Variants in ATG7 observed in about 807,000 individuals in gnomAD.
ATG7 encodes the protein ubiquitin-like modifier-activating enzyme ATG7.
Under a neutral mutation model 82.4 loss-of-function variants are expected in ATG7, and 70 were observed. The observed-to-expected ratio is 0.85, with a 90% CI of 0.70 to 1.04. The LOEUF (loss-of-function observed/expected upper bound fraction) is 1.04. Ranked by LOEUF, ATG7 falls within the 50% of genes least tolerant of loss-of-function variation. The pLI is 0.00. For missense variants in ATG7, 792 were observed against 864.3 expected (o/e 0.92, Z 1.05); for synonymous variants, 287 against 313.0 (o/e 0.92, Z 0.88).
Position 11,555,999 on chromosome 3 carries a change from C to T in ATG7, c.*1156C>T, listed in dbSNP as rs1452747472. The T allele has an allele frequency of 6.5e-6, 1 of 152,764 alleles. No homozygotes were observed. The highest frequency in any genetic ancestry group is 1.5e-5 in the Non-Finnish European group (1 of 68,060). 9.5% of individuals were successfully genotyped at this position (152,764 alleles called of 1,614,324 possible). ...AGCTCATGGGAGCTTCATGGGGACA[C>T]AGCCGGCACAGGTGCAGGGCCCGAG... is the stretch of plus-strand genomic sequence containing the variant. On this transcript the variant is annotated 3_prime_UTR_variant, in exon 21 of 21. Coordinates refer to ENST00000693202, the MANE Select transcript of ATG7 (RefSeq NM_001349232.2).
intron 19 of ATG7, among the ~76,000 whole-genome samples, chr3:11,395,888 G>A (rs1400552070): frequency 8.4e-5 from 12 of 143,708 alleles, no homozygotes; most frequent in African/African-American, 7.8e-5. Flanking sequence ...CGCAGTGAGC[G>A]GAGGTCACAC....
chr3:11,537,180 T>C (rs1437612985), intron 20 of ATG7, among the ~76,000 whole-genome samples: 2 of 152,206 alleles, frequency 1.3e-5, no homozygotes. Flanking sequence ...CCTCCACTCC[T>C]GGACGGGCTG....
At chr3:11,554,134 A>T (rs1350001652) in intron 20 of ATG7, among the ~76,000 whole-genome samples, 4 of 152,176 alleles carry the variant, frequency 2.6e-5, no homozygotes, top group African/African-American at 9.7e-5. Context: ...TGGGTCCCTC[A>T]GTTCTCCTCA....
At chr3:11,306,350 G>A (rs1417446435) in intron 5 of ATG7, among the ~76,000 whole-genome samples, 1 of 152,214 alleles carries the variant, frequency 6.6e-6, no homozygotes, top group Admixed American at 6.5e-5. Context: ...TATGACTGTA[G>A]TTCTTGAAAA....
chr3:11,315,259 A>T, intron 8 of ATG7, 85 bp from the exon 9 acceptor site: 1 of 1,217,860 alleles, frequency 8.2e-7, no homozygotes, highest in Non-Finnish European at 1.1e-6. Flanking sequence ...TTCTGGTTTT[A>T]AGGTACCTTT....
At chr3:11,464,601 G>A (rs1394152317) in intron 20 of ATG7, among the ~76,000 whole-genome samples, 1 of 152,206 alleles carries the variant, frequency 6.6e-6, no homozygotes, top group Non-Finnish European at 1.5e-5. Flanking sequence ...ACCTGGGAAT[G>A]CCAGATGGAC....
At chr3:11,335,224 C>G (rs1325972507) in intron 11 of ATG7, among the ~76,000 whole-genome samples, 3 of 151,816 alleles carry the variant, frequency 2.0e-5, no homozygotes. Context: ...TAAAATAGCT[C>G]CTGTGTAATG....
At chr3:11,469,614 G>A (rs1449955147) in intron 20 of ATG7, among the ~76,000 whole-genome samples, 1 of 152,138 alleles carries the variant, frequency 6.6e-6, no homozygotes, top group Non-Finnish European at 1.5e-5. Context: ...GCATGTCCCA[G>A]CTCAGGAGTA....
At chr3:11,381,443 T>G (rs559171873) in intron 19 of ATG7, among the ~76,000 whole-genome samples, 14 of 152,354 alleles carry the variant, frequency 9.2e-5, no homozygotes, top group African/African-American at 3.1e-4. Context: ...TAAAGATAAT[T>G]GGGTTCTCTA....
In ATG7 at chr3:11,360,665, G is replaced by C; in HGVS notation, c.1564G>C (p.Asp522His). The change falls in exon 16 of 21, where the codon GAC becomes CAC. Residue 522 changes from aspartate (D) to histidine (H), a missense_variant. Asp to His is a moderately conservative substitution (Grantham distance 81, BLOSUM62 -1). Coordinates refer to ENST00000693202, the MANE Select transcript of ATG7 (RefSeq NM_001349232.2). ...GAAACCAAAGCAGCAAGGAGCTGGG[G>C]ACTTGTGTCCAAACCACCCTGTGGC... ...LKKPKQQGAG[D>H]LCPNHPVASA... 4 of 1,614,180 alleles carry C rather than the reference G, an allele frequency of 2.5e-6. No individual in the cohort carries two copies. The highest frequency in any genetic ancestry group is 3.4e-6 in the Non-Finnish European group (4 of 1,180,028).
At chr3:11,320,454 A>T (rs1298087343) in intron 9 of ATG7, among the ~76,000 whole-genome samples, 1 of 151,880 alleles carries the variant, frequency 6.6e-6, no homozygotes, top group African/African-American at 2.4e-5. Context: ...CACCTGGCTA[A>T]TTTTTTTATC....
At chr3:11,547,441 C>T (rs914935613) in intron 20 of ATG7, among the ~76,000 whole-genome samples, 4 of 151,958 alleles carry the variant, frequency 2.6e-5, no homozygotes, top group Non-Finnish European at 2.9e-5. Context: ...ATGAATTCCA[C>T]GTTTAACTTT....
At chr3:11,303,841 G>A (rs1463022648) in intron 5 of ATG7, among the ~76,000 whole-genome samples, 3 of 150,526 alleles carry the variant, frequency 2.0e-5, no homozygotes, top group Non-Finnish European at 2.9e-5. Context: ...TTGGGAGGCC[G>A]AGGCGGGTGG....
chr3:11,476,497 C>T (rs2088241025), intron 20 of ATG7, among the ~76,000 whole-genome samples: 1 of 151,072 alleles, frequency 6.6e-6, no homozygotes, highest in African/African-American at 2.4e-5. Flanking sequence ...CAATTAGAAC[C>T]TTGTATCAGA....
At chr3:11,382,827 T>C (rs1234306428) in intron 19 of ATG7, among the ~76,000 whole-genome samples, 1 of 152,194 alleles carries the variant, frequency 6.6e-6, no homozygotes. Context: ...AACAGAAACA[T>C]TGGAAGAATA....
intron 20 of ATG7, among the ~76,000 whole-genome samples, chr3:11,507,775 C>G (rs2091819104): frequency 1.3e-5 from 2 of 151,978 alleles, no homozygotes; most frequent in Admixed American, 6.6e-5. Context: ...AATTTTAAGT[C>G]CACACTCTAG....
chr3:11,571,348 A>ACAGCCAGCATCC, the ATG7 span, among the ~76,000 whole-genome samples: 21 of 152,222 alleles, frequency 1.4e-4, no homozygotes, highest in African/African-American at 4.8e-4. Flanking sequence ...AGCCAGCATC[A>ACAGCCAGCATCC]CTGCCACAAC....
rs2092777055 is a variant in ATG7, at chr3:11,535,648, G to GGGTCCCTCTGAGGAGGGCT, written c.2080-19162_2080-19144dup. Among the ~76,000 whole-genome samples the GGGTCCCTCTGAGGAGGGCT allele has an allele frequency of 2.0e-5, 3 of 152,190 alleles. No individual in the cohort carries two copies. The South Asian group carries it at 6.2e-4, about 32-fold the overall frequency. ...TGATGATTGACAGATGAGGCACACAGGGTCCCTCTGAGGAGGGCTCGGCCC... is the reference window on the plus strand; with the variant it reads ...TGATGATTGACAGATGAGGCACACAGGGTCCCTCTGAGGAGGGCTGGTCCCTCTGAGGAGGGCTCGGCCC... On this transcript the variant is annotated intron_variant, in intron 20 of 20. Transcript: ENST00000693202.
At chr3:11,468,482 A>G (rs1260970096) in intron 20 of ATG7, among the ~76,000 whole-genome samples, 3 of 152,098 alleles carry the variant, frequency 2.0e-5, no homozygotes, top group Non-Finnish European at 4.4e-5. Flanking sequence ...GAAGTTTTCC[A>G]CAGCTGCTGG....
Sources: allele counts gnomAD v4.1 joint callset (sites outside exome capture counted in the v4.1 genomes callset), GRCh38; gene constraint gnomAD v4.1.1; transcripts MANE v1.5; gene names NCBI Gene and HGNC (gene_info 2026-07-23, HGNC 2026-07-21).